The following AGO3 variants were observed in gnomAD, a reference collection of about 807,000 sequenced individuals.
The protein encoded by AGO3 is argonaute RISC catalytic component 3.
Under a neutral mutation model 105.5 loss-of-function variants are expected in AGO3, and 16 were observed. That is an observed-to-expected ratio of 0.15 (90% CI 0.10 to 0.23). AGO3 has a LOEUF of 0.23. Ranked by LOEUF, AGO3 falls within the 10% of genes least tolerant of loss-of-function variation. AGO3 has a pLI of 1.00. For synonymous variants in AGO3, 340 were observed against 367.3 expected, an observed-to-expected ratio of 0.93 and a Z score of 0.85; for missense variants, 534 against 1,088.0, an observed-to-expected ratio of 0.49 and a Z score of 7.16.
chr1:36,052,186 GAAGA>G (rs1283076573), intron 17 of AGO3, among the ~76,000 whole-genome samples: 1 of 152,088 alleles, frequency 6.6e-6, no homozygotes. Context: ...ACAGATGAAT[GAAGA>G]AAATATGGTA....
rs138830329 is a variant in AGO3, at chr1:35,988,255, A to C, written c.658+14744A>C. 6.6e-3 allele frequency among the ~76,000 whole-genome samples: 1,004 copies of C among 152,302 alleles called. 9 individuals carry two copies. The highest frequency in any genetic ancestry group is 0.023 in the African/African-American group (953 of 41,554). ...ATATGCATTGTGAAATGATTACCAC[A>C]ATCAAGGTAATGAATATAACAATCA... On this transcript the variant is annotated intron_variant, in intron 5 of 18. Coordinates refer to ENST00000373191, the MANE Select transcript of AGO3 (RefSeq NM_024852.4).
chr1:35,945,675 TC>T lies in AGO3; in HGVS notation c.20-14del. 2 of 1,606,276 alleles carry T rather than the reference TC, an allele frequency of 1.2e-6. No homozygotes were observed. Among genetic ancestry groups the T allele is most frequent in the South Asian group, 1.1e-5 (1 of 90,318 alleles). ...GCTTGTAACTGTGACTCTTTTTTTT[TC>T]CCTTTCCCCTGGCAGGACCCGCTGG... On this transcript the variant is annotated splice_polypyrimidine_tract_variant and intron_variant, in intron 1 of 18. Transcript: ENST00000373191.
At chr1:36,045,069 G>A (rs1269250021) in intron 17 of AGO3, among the ~76,000 whole-genome samples, 3 of 152,044 alleles carry the variant, frequency 2.0e-5, no homozygotes, top group Admixed American at 6.6e-5. Context: ...ATTTATCCAT[G>A]TTCTTATATC....
chr1:35,948,949 A>G (rs149390414), intron 2 of AGO3, among the ~76,000 whole-genome samples: 121 of 151,148 alleles, frequency 8.0e-4, no homozygotes, highest in African/African-American at 2.8e-3. Flanking sequence ...TATTTTATTT[A>G]TTTATTTTTT....
At chr1:35,994,250 C>T (rs956083249) in intron 5 of AGO3, among the ~76,000 whole-genome samples, 1 of 151,698 alleles carries the variant, frequency 6.6e-6, no homozygotes, top group African/African-American at 2.4e-5. Flanking sequence ...TGCCCGGCCC[C>T]AGTTCATTTT....
intron 13 of AGO3, 133 bp downstream of exon 13, chr1:36,034,466 A>G (rs1569881684): frequency 1.7e-6 from 1 of 593,956 alleles, no homozygotes; most frequent in Non-Finnish European, 2.5e-6. Flanking sequence ...ATTCGTAGAC[A>G]TTTTGGTAAA....
chr1:35,974,104 C>T (rs1260775636), intron 5 of AGO3, among the ~76,000 whole-genome samples: 1 of 152,048 alleles, frequency 6.6e-6, no homozygotes, highest in Non-Finnish European at 1.5e-5. Flanking sequence ...TTATTTTATC[C>T]CTATTACTTC....
At chr1:36,036,082 T>C (rs537066095) in intron 13 of AGO3, 95 bp from the exon 14 acceptor site, 1 of 1,157,016 alleles carries the variant, frequency 8.6e-7, no homozygotes, top group East Asian at 2.4e-5. Context: ...TCCTCTGTGC[T>C]GTCAATAACT....
At position 36,065,067 on chromosome 1, in the gene AGO3, C is replaced by G. The variant is rs1301486153; in HGVS notation, c.*9322C>G. On this transcript the variant is annotated 3_prime_UTR_variant, in exon 19 of 19. Coordinates refer to ENST00000373191, the MANE Select transcript of AGO3 (RefSeq NM_024852.4). Reference sequence around the variant, plus strand: ...CTGTAATCCCAGCTACTGGGAAGGCCGAGGCAGGAGAATGGCTTGAACCCA... The same window carrying G: ...CTGTAATCCCAGCTACTGGGAAGGCGGAGGCAGGAGAATGGCTTGAACCCA... The G allele has an allele frequency of 6.6e-6, 1 of 150,982 alleles. No homozygotes were observed. Among genetic ancestry groups the G allele is most frequent in the East Asian group, 1.9e-4 (1 of 5,138 alleles). The allele number at this position is 150,982 out of a possible 1,614,324, so 9.4% of individuals were successfully genotyped here. A position where few individuals can be genotyped will look rare whatever the true frequency, so the allele number is the denominator to read the frequency against.
At chr1:35,934,122 AAG>A (rs1412445664) in intron 1 of AGO3, among the ~76,000 whole-genome samples, 1 of 152,180 alleles carries the variant, frequency 6.6e-6, no homozygotes, top group Non-Finnish European at 1.5e-5. Context: ...CTGCTGAACT[AAG>A]AGTATAGGTT....
intron 5 of AGO3, among the ~76,000 whole-genome samples, chr1:35,980,931 G>T (rs978642365): frequency 6.6e-6 from 1 of 152,000 alleles, no homozygotes; most frequent in African/African-American, 2.4e-5. Flanking sequence ...CTTTGGTGTT[G>T]TATATTTTTA....
intron 9 of AGO3, 87 bp downstream of exon 9, chr1:36,009,681 C>A: frequency 7.6e-7 from 1 of 1,307,850 alleles, no homozygotes; most frequent in Non-Finnish European, 1.0e-6. Flanking sequence ...CAACCCATAC[C>A]TTATGACCAT....
rs1421273600 is a variant in AGO3 at position 36,070,265 on chromosome 1, T to C, written c.*14520T>C. 13 of 152,226 alleles carry C rather than the reference T, an allele frequency of 8.5e-5. No individual in the cohort carries two copies. The highest frequency in any genetic ancestry group is 5.9e-5 in the Non-Finnish European group (4 of 68,044). The allele number at this position is 152,226 out of a possible 1,614,324, so 9.4% of individuals were successfully genotyped here. ...AGTGTGCTTATTTCACTCATGTCTT[T>C]GCAGAATTTAACTTTGCTTTACTTT... On this transcript the variant is annotated 3_prime_UTR_variant, in exon 19 of 19. Coordinates refer to ENST00000373191, the MANE Select transcript of AGO3 (RefSeq NM_024852.4).
In AGO3 at chr1:36,008,738, G is replaced by A. The variant is rs1265946535; in HGVS notation, c.842G>A (p.Arg281His). The A allele has an allele frequency of 1.2e-6, 2 of 1,614,146 alleles. No homozygotes were observed. Among genetic ancestry groups the A allele is most frequent in the African/African-American group, 1.3e-5 (1 of 75,046 alleles). The part of the protein sequence containing the change: ...THCGTMRRKY[R>H]VCNVTRRPAS... ...TGTGGAACAATGAGACGGAAATACC[G>A]TGTTTGTAATGTAACAAGGAGGCCT... Residue 281 changes from arginine to histidine, a missense_variant, in exon 7 of 19, where the codon CGT (arginine) becomes CAT (histidine). Transcript: ENST00000373191. The surrounding 1 kb of genome is among the most constrained non-coding windows in gnomAD (Gnocchi z 5.1).
At chr1:35,943,296 C>T (rs1646291589) in intron 1 of AGO3, among the ~76,000 whole-genome samples, 1 of 149,482 alleles carries the variant, frequency 6.7e-6, no homozygotes, top group Admixed American at 6.9e-5. Context: ...GCGTGCCATG[C>T]CCATCTTTTT....
At chr1:35,978,471 C>T (rs902534220) in intron 5 of AGO3, among the ~76,000 whole-genome samples, 8 of 152,184 alleles carry the variant, frequency 5.3e-5, no homozygotes, top group Admixed American at 1.3e-4. Context: ...GGATTACAGG[C>T]GTGAGCCACC....
rs549557635 is a variant in AGO3, at chr1:35,996,323, TAAA to T, written c.659-8005_659-8003del. On this transcript the variant is annotated intron_variant, in intron 5 of 18. Coordinates refer to ENST00000373191, the MANE Select transcript of AGO3 (RefSeq NM_024852.4). ...GGCAACAGAGCAAGACTCTGACTCT[TAAA>T]AAAAAAAAAAAATGAAAACACAAGC... 9.6e-5 allele frequency among the ~76,000 whole-genome samples: 13 copies of T among 135,030 alleles called. No homozygotes were observed. The Admixed American group carries it at 9.7e-4, about 10-fold the overall frequency. The allele number at this position is 135,030 out of a possible 152,430, so 88.6% of individuals were successfully genotyped here.
Position 36,061,705 on chromosome 1 carries a change from C to G in AGO3, c.*5960C>G, listed in dbSNP as rs1370626733. The G allele has an allele frequency of 6.6e-6, 1 of 152,166 alleles. No homozygotes were observed. Among genetic ancestry groups the G allele is most frequent in the Non-Finnish European group, 1.5e-5 (1 of 68,038 alleles). 9.4% of individuals were successfully genotyped at this position (152,166 alleles called of 1,614,324 possible). ...GTCTCAGTAAAGCAAAGACGTTTGT[C>G]AGGGCGTAGACTCTTGAGTTAAATT... is the stretch of plus-strand genomic sequence containing the variant. On this transcript the variant is annotated 3_prime_UTR_variant, in exon 19 of 19. Transcript: ENST00000373191.
Position 36,062,948 on chromosome 1 carries a change from G to A in AGO3, c.*7203G>A, listed in dbSNP as rs1012618557. 3 of 152,024 alleles carry A rather than the reference G, an allele frequency of 2.0e-5. No homozygotes were observed. The highest frequency in any genetic ancestry group is 4.4e-5 in the Non-Finnish European group (3 of 67,996). 9.4% of individuals were successfully genotyped at this position (152,024 alleles called of 1,614,324 possible). On this transcript the variant is annotated 3_prime_UTR_variant, in exon 19 of 19. Coordinates refer to ENST00000373191, the MANE Select transcript of AGO3 (RefSeq NM_024852.4). ...TTTTGTTAAGATTAATTTTTCTATTGTGATGTTTATATTTATTGGCAATTT... is the reference window on the plus strand; with the variant it reads ...TTTTGTTAAGATTAATTTTTCTATTATGATGTTTATATTTATTGGCAATTT...
Sources: allele counts gnomAD v4.1 joint callset (sites outside exome capture counted in the v4.1 genomes callset), GRCh38; gene constraint gnomAD v4.1.1; non-coding constraint Gnocchi (gnomAD v3.1); transcripts MANE v1.5; gene names NCBI Gene and HGNC (gene_info 2026-07-23, HGNC 2026-07-21).